LRRN2: variants seen among roughly 807,000 people sequenced by gnomAD.
LRRN2 encodes leucine rich repeat neuronal 2.
A neutral mutation model predicts 35.7 loss-of-function variants in LRRN2; 10 were observed. The observed-to-expected ratio is 0.28, with a 90% confidence interval of 0.17 to 0.47. The LOEUF (loss-of-function observed/expected upper bound fraction) is 0.47. Among genes scored for constraint, LRRN2 ranks in the 20% least tolerant of loss-of-function variants. The pLI, the probability that LRRN2 is intolerant of heterozygous loss-of-function variation, is 0.99. For missense variants in LRRN2, 731 were observed against 940.3 expected (o/e 0.78, Z 2.91); for synonymous variants, 391 against 409.6 (o/e 0.95, Z 0.55).
At chr1:204,677,089 T>G (rs562091324) in intron 1 of LRRN2, among the ~76,000 whole-genome samples, 1 of 152,204 alleles carries the variant, frequency 6.6e-6, no homozygotes, top group Non-Finnish European at 1.5e-5. Flanking sequence ...CCCTAGGAAG[T>G]GGATGTTATT....
At chr1:204,657,118 A>G (rs904991449) in intron 1 of LRRN2, among the ~76,000 whole-genome samples, 14 of 152,120 alleles carry the variant, frequency 9.2e-5, no homozygotes, top group Non-Finnish European at 1.8e-4. Context: ...AGCCTGGCCA[A>G]CACGGCGAAA....
chr1:204,673,895 T>C lies in LRRN2; in HGVS notation c.-227+11425A>G, dbSNP rs145133141. On this transcript the variant is annotated intron_variant, in intron 1 of 1. Transcript: ENST00000367177. Reference sequence around the variant, plus strand: ...GAGGCCTAGAAGCAGCAAGGATCTGTCCTTGGATACTCTACTCCCACCCCT... The same window carrying C: ...GAGGCCTAGAAGCAGCAAGGATCTGCCCTTGGATACTCTACTCCCACCCCT... Among the ~76,000 whole-genome samples, 39 of 152,122 alleles carry C rather than the reference T, an allele frequency of 2.6e-4. No individual in the cohort carries two copies. In the East Asian group the frequency reaches 6.8e-3, roughly 26 times the overall value.
chr1:204,622,462 A>C (rs1436122260), intron 1 of LRRN2, among the ~76,000 whole-genome samples: 1 of 152,176 alleles, frequency 6.6e-6, no homozygotes, highest in Non-Finnish European at 1.5e-5. Context: ...GGTGGGAAAA[A>C]CAACCGCGAC....
chr1:204,620,951 G>A (rs978022256), intron 1 of LRRN2: 3 of 166,342 alleles, frequency 1.8e-5, no homozygotes, highest in African/African-American at 7.3e-5. Flanking sequence ...GTGGGTGAGG[G>A]TTGGTGGAAA....
intron 1 of LRRN2, among the ~76,000 whole-genome samples, chr1:204,656,616 T>C (rs1668362174): frequency 6.6e-6 from 1 of 152,232 alleles, no homozygotes; most frequent in South Asian, 2.1e-4. Context: ...TTGCATGTCT[T>C]TATTGAGCCT....
intron 1 of LRRN2, among the ~76,000 whole-genome samples, chr1:204,667,316 G>C (rs1283525408): frequency 6.6e-6 from 1 of 152,180 alleles, no homozygotes; most frequent in African/African-American, 2.4e-5. Flanking sequence ...GCTGGATGAA[G>C]GGTACTGTGG....
chr1:204,633,826 G>A (rs758256654), intron 1 of LRRN2, among the ~76,000 whole-genome samples: 28 of 152,318 alleles, frequency 1.8e-4, no homozygotes, highest in South Asian at 8.3e-4. Context: ...TTCAAGCTCC[G>A]TTGGGCCTGG....
rs377721729 is a variant in LRRN2, at chr1:204,618,264, G to A, written c.1729C>T (p.Arg577Trp). The A allele has an allele frequency of 6.2e-7, 1 of 1,610,002 alleles. No individual in the cohort carries two copies. The highest frequency in any genetic ancestry group is 1.3e-5 in the African/African-American group (1 of 75,052). ...GTAATGTTGTAGCTGTGGGTTCCCC[G>A]AGGCAGGCGGGCCAGAGCTGTGGCC... The part of the protein sequence containing the change: ...QGATALARLP[R>W]GTHSYNITRL... Residue 577 changes from arginine (R) to tryptophan (W), a missense_variant, in exon 2 of 2, where the codon CGG becomes TGG. This residue lies in a region of LRRN2 where 229 missense variants were observed against 258.4 expected (regional missense o/e 0.89). Transcript: ENST00000367177.
Position 204,619,843 on chromosome 1 carries a change from A to G in LRRN2, c.150T>C (p.Ala50=), listed in dbSNP as rs1666718777. Residue 50 remains alanine (A), a synonymous_variant, in exon 2 of 2, where the codon GCT becomes GCC. Transcript: ENST00000367177. Reference sequence around the variant, plus strand: ...ATAGGTCATTGCAGTCCACAGTGGTAGCCTCGCGGTAGGACGAGCGGGGCG... The same window carrying G: ...ATAGGTCATTGCAGTCCACAGTGGTGGCCTCGCGGTAGGACGAGCGGGGCG... The part of the protein sequence containing the change: ...WYTPRSSYRE[A]TTVDCNDLFL... 2 of 1,613,806 alleles carry G rather than the reference A, an allele frequency of 1.2e-6. No individual in the cohort carries two copies. The highest frequency in any genetic ancestry group is 1.3e-5 in the African/African-American group (1 of 75,060).
chr1:204,671,642 TAAAAAAAAAA>T (rs35192809), intron 1 of LRRN2, among the ~76,000 whole-genome samples: 16 of 30,252 alleles, frequency 5.3e-4, no homozygotes, highest in Admixed American at 4.0e-3. Flanking sequence ...TAATTGATGG[TAAAAAAAAAA>T]AAAAAAAAAA....
At chr1:204,639,044 C>G (rs555002031) in intron 1 of LRRN2, among the ~76,000 whole-genome samples, 3 of 152,354 alleles carry the variant, frequency 2.0e-5, no homozygotes, top group Non-Finnish European at 4.4e-5. Flanking sequence ...GGCACGGCCC[C>G]CTGGGTAGCT....
At position 204,618,005 on chromosome 1, in the gene LRRN2, C is replaced by T. The variant is rs778385692; in HGVS notation, c.1988G>A (p.Arg663Gln). 5.1e-5 allele frequency: 83 copies of T among 1,612,512 alleles called. No homozygotes were observed. Among genetic ancestry groups the T allele is most frequent in the African/African-American group, 1.1e-4 (8 of 74,858 alleles). Residue 663 changes from arginine (R) to glutamine (Q), a missense_variant, in exon 2 of 2, where the codon CGG becomes CAG. By Grantham distance (43) the Arg-to-Gln change is conservative. This residue lies in a region of LRRN2 where 229 missense variants were observed against 258.4 expected (regional missense o/e 0.89). Transcript: ENST00000367177. ...GAAAGCCCAGGCTGGAGGGAGAGGC[C>T]GCCTCCCACCCACACCCTTCCTGGG... Reference protein sequence around the residue: ...GQPRKGVGGRRPLPPAWAFWG... With the variant: ...GQPRKGVGGRQPLPPAWAFWG...
chr1:204,645,538 AATC>A (rs1668085641), intron 1 of LRRN2, among the ~76,000 whole-genome samples: 1 of 152,194 alleles, frequency 6.6e-6, no homozygotes. Context: ...TTGCATGCGG[AATC>A]ATCATGGCAA....
In LRRN2 at chr1:204,635,635, T is replaced by A. The variant is rs568805848; in HGVS notation, c.-226-15417A>T. Among the ~76,000 whole-genome samples the A allele has an allele frequency of 1.4e-3, 218 of 152,296 alleles. 1 individual carries two copies. The highest frequency in any genetic ancestry group is 5.1e-3 in the African/African-American group (210 of 41,548). ...AAACCCGGCTGGCTCCCAGAACCGT[T>A]CATCTTAAATAAATGTTCCTAATGA... On this transcript the variant is annotated intron_variant, in intron 1 of 1. Transcript: ENST00000367177.
At chr1:204,662,142 A>G (rs1268210817) in intron 1 of LRRN2, among the ~76,000 whole-genome samples, 1 of 152,232 alleles carries the variant, frequency 6.6e-6, no homozygotes, top group Admixed American at 6.5e-5. Flanking sequence ...CCAAGACTGA[A>G]GACCCACAGC....
intron 1 of LRRN2, among the ~76,000 whole-genome samples, chr1:204,646,723 AT>A (rs1668115557): frequency 6.6e-6 from 1 of 152,208 alleles, no homozygotes; most frequent in African/African-American, 2.4e-5. Flanking sequence ...TATTGATTGC[AT>A]TTTGAAATAA....
At chr1:204,678,931 C>A (rs114606533) in intron 1 of LRRN2, among the ~76,000 whole-genome samples, 2 of 152,186 alleles carry the variant, frequency 1.3e-5, no homozygotes, top group African/African-American at 2.4e-5. Flanking sequence ...TCCTGAAGGG[C>A]AGAGGTCTGT....
intron 1 of LRRN2, among the ~76,000 whole-genome samples, chr1:204,680,484 G>A (rs1332794136): frequency 6.6e-6 from 1 of 152,202 alleles, no homozygotes; most frequent in African/African-American, 2.4e-5. Flanking sequence ...CCTCCTAAAA[G>A]GCAGCCCCCT....
At chr1:204,652,478 T>A (rs1668258496) in intron 1 of LRRN2, among the ~76,000 whole-genome samples, 1 of 152,036 alleles carries the variant, frequency 6.6e-6, no homozygotes, top group South Asian at 2.1e-4. Flanking sequence ...ATCTGGATGA[T>A]GCCTGGCAAG....
Sources: allele counts gnomAD v4.1 joint callset (sites outside exome capture counted in the v4.1 genomes callset), GRCh38; gene constraint gnomAD v4.1.1; regional missense constraint gnomAD v4.1.1; transcripts MANE v1.5; gene names NCBI Gene and HGNC (gene_info 2026-07-23, HGNC 2026-07-21).